Variants in TULP4 observed in about 807,000 individuals in gnomAD.
TULP4 encodes the protein tubby-related protein 4.
TULP4 carries 16 observed loss-of-function variants against 129.0 expected under a neutral mutation model. The observed-to-expected ratio is 0.12, with a 90% CI of 0.08 to 0.19. The LOEUF (loss-of-function observed/expected upper bound fraction) is 0.19. Among genes scored for constraint, TULP4 ranks in the 10% least tolerant of loss-of-function variants. The probability of loss-of-function intolerance (pLI) is 1.00; values close to 1 mark genes in which losing one functional copy is unlikely to be tolerated. For missense variants in TULP4, 1,842 were observed against 2,059.1 expected, an observed-to-expected ratio of 0.89 and a Z score of 2.04; for synonymous variants, 998 against 854.0, an observed-to-expected ratio of 1.17 and a Z score of -2.94.
intron 1 of TULP4, among the ~76,000 whole-genome samples, chr6:158,400,347 TAC>T (rs1777811513): frequency 6.6e-6 from 1 of 152,218 alleles, no homozygotes; most frequent in Non-Finnish European, 1.5e-5. Flanking sequence ...GTATATACAT[TAC>T]AGTCAACCCA....
chr6:158,349,608 G>A (rs1780444575), intron 1 of TULP4, among the ~76,000 whole-genome samples: 1 of 144,568 alleles, frequency 6.9e-6, no homozygotes. Flanking sequence ...TGGCAGCCGG[G>A]CAGAGGCGCC....
At chr6:158,478,103 T>TGGGAGGA (rs1017644326) in intron 6 of TULP4, among the ~76,000 whole-genome samples, 2 of 150,240 alleles carry the variant, frequency 1.3e-5, no homozygotes, top group Non-Finnish European at 3.0e-5. Flanking sequence ...GGGTGGAGAG[T>TGGGAGGA]GGGAGGAGGG....
chr6:158,246,981 T>C lies in TULP4; in HGVS notation n.68+14678T>C, dbSNP rs146196267. 3.8e-3 allele frequency among the ~76,000 whole-genome samples: 574 copies of C among 152,306 alleles called. 4 individuals carry two copies. The highest frequency in any genetic ancestry group is 0.013 in the African/African-American group (543 of 41,562). On this transcript the variant is annotated intron_variant and non_coding_transcript_variant, in intron 1 of 1. Transcript: ENST00000620026. ...TATTTGAACATCTTTCTCACTGTTA[T>C]TATTTTTAATCAGAAACACAATTAG...
chr6:158,291,460 G>A (rs575413319), intron 1 of TULP4, among the ~76,000 whole-genome samples: 2 of 152,246 alleles, frequency 1.3e-5, no homozygotes, highest in South Asian at 4.2e-4. Flanking sequence ...GGCTACTTCT[G>A]AACTCTTCTC....
chr6:158,378,760 C>T (rs1777259039), intron 1 of TULP4, among the ~76,000 whole-genome samples: 2 of 151,270 alleles, frequency 1.3e-5, no homozygotes, highest in South Asian at 2.1e-4. Context: ...GCTGGGATTA[C>T]AGGCATGCGC....
upstream of TULP4, among the ~76,000 whole-genome samples, chr6:158,280,594 T>C (rs368998001): frequency 6.6e-6 from 1 of 152,276 alleles, no homozygotes; most frequent in African/African-American, 2.4e-5. Context: ...TCAGTGTCTG[T>C]GCAGCTGTCT....
intron 2 of TULP4, among the ~76,000 whole-genome samples, chr6:158,425,361 A>G (rs973951834): frequency 2.9e-4 from 44 of 150,938 alleles, no homozygotes; most frequent in Admixed American, 2.3e-3. Flanking sequence ...TAAAAATACA[A>G]AATTAGCCAG....
Position 158,429,905 on chromosome 6 carries a change from T to A in TULP4, c.543+8T>A. On this transcript the variant is annotated splice_region_variant and intron_variant, in intron 3 of 13. Coordinates refer to ENST00000367097, the MANE Select transcript of TULP4 (RefSeq NM_020245.5). ...ACTCCTGACGACCAACAGGTAACACTTCTGAAATGTGGTGGGTGTGTGACG... is the reference window on the plus strand; with the variant it reads ...ACTCCTGACGACCAACAGGTAACACATCTGAAATGTGGTGGGTGTGTGACG... 1 of 1,612,994 alleles carries A rather than the reference T, an allele frequency of 6.2e-7. No individual in the cohort carries two copies. Among genetic ancestry groups the A allele is most frequent in the Non-Finnish European group, 8.5e-7 (1 of 1,179,466 alleles).
chr6:158,481,179 C>T lies in TULP4; in HGVS notation c.1376C>T (p.Thr459Met), dbSNP rs200691398. 8.7e-6 allele frequency: 14 copies of T among 1,614,112 alleles called. No individual in the cohort carries two copies. Among genetic ancestry groups the T allele is most frequent in the South Asian group, 1.1e-5 (1 of 91,094 alleles). ...DDPEVGGPCY[T>M]LYLEYLGGLV... ...CCGGAGGTGGGCGGCCCGTGCTACA[C>T]GCTCTACCTGGAGTACCTGGGCGGG... The change falls in exon 8 of 14, where the codon ACG becomes ATG. Residue 459 changes from threonine to methionine, a missense_variant. Thr to Met is a moderately conservative substitution (Grantham distance 81). Around this residue, in one of 5 missense-constraint regions of TULP4, gnomAD observed 456 missense variants for 534.3 expected, o/e 0.85. Transcript: ENST00000367097.
chr6:158,495,428 C>G (rs1156785119), intron 11 of TULP4, among the ~76,000 whole-genome samples: 1 of 152,136 alleles, frequency 6.6e-6, no homozygotes, highest in Non-Finnish European at 1.5e-5. Context: ...ATAGCAATAG[C>G]CAAAATTTGT....
At chr6:158,391,723 CAG>C (rs1245105790) in intron 1 of TULP4, among the ~76,000 whole-genome samples, 4 of 152,172 alleles carry the variant, frequency 2.6e-5, no homozygotes, top group Non-Finnish European at 5.9e-5. Flanking sequence ...TATTTGAAGA[CAG>C]AAGTTTTATC....
chr6:158,352,677 G>C (rs1419369001), intron 1 of TULP4, among the ~76,000 whole-genome samples: 1 of 152,216 alleles, frequency 6.6e-6, no homozygotes, highest in Admixed American at 6.5e-5. Context: ...TTACAGGCGT[G>C]AGCCACCGTG....
In TULP4 at chr6:158,263,067, A is replaced by T. The variant is rs115576963; in HGVS notation, n.68+30764A>T. Among the ~76,000 whole-genome samples, 522 of 152,334 alleles carry T rather than the reference A, an allele frequency of 3.4e-3. 4 individuals are homozygous for T. Among genetic ancestry groups the T allele is most frequent in the African/African-American group, 0.012 (505 of 41,564 alleles). The stretch of plus-strand genomic sequence containing the variant: ...TGTGTATGATTGATGTGCCAGACTG[A>T]ACATCCTACCCGTTTAAATTACCTG... On this transcript the variant is annotated intron_variant and non_coding_transcript_variant, in intron 1 of 1. Transcript: ENST00000620026.
chr6:158,426,733 T>C (rs1041132888), intron 2 of TULP4, among the ~76,000 whole-genome samples: 10 of 152,210 alleles, frequency 6.6e-5, no homozygotes, highest in African/African-American at 9.7e-5. Flanking sequence ...AATTTAAAAA[T>C]AGTTTTTTTC....
intron 13 of TULP4, among the ~76,000 whole-genome samples, chr6:158,506,338 TCTC>T (rs780260395): frequency 2.4e-4 from 35 of 143,318 alleles, no homozygotes; most frequent in Non-Finnish European, 2.7e-4. Flanking sequence ...TTTACACCAT[TCTC>T]CTGCCTCAGC....
Position 158,510,137 on chromosome 6 carries a change from A to G in TULP4, c.*3443A>G, listed in dbSNP as rs1214559752. 1 of 152,654 alleles carries G rather than the reference A, an allele frequency of 6.6e-6. No homozygotes were observed. The highest frequency in any genetic ancestry group is 2.4e-5 in the African/African-American group (1 of 41,446). The allele number at this position is 152,654 out of a possible 1,614,324, so 9.5% of individuals were successfully genotyped here. A position where few individuals can be genotyped will look rare whatever the true frequency, so the allele number is the denominator to read the frequency against. ...AACCAAAGGCACAGATTTGTGTACAATATACCCATTGAATGTATATCCTGA... is the reference window on the plus strand; with the variant it reads ...AACCAAAGGCACAGATTTGTGTACAGTATACCCATTGAATGTATATCCTGA... On this transcript the variant is annotated 3_prime_UTR_variant, in exon 14 of 14. Transcript: ENST00000367097.
At chr6:158,256,435 G>A (rs1778245315) in intron 1 of TULP4, among the ~76,000 whole-genome samples, 2 of 152,122 alleles carry the variant, frequency 1.3e-5, no homozygotes, top group African/African-American at 2.4e-5. Context: ...TGAACATCCT[G>A]TTGTTCTCTA....
chr6:158,317,677 A>G (rs1276091933), intron 1 of TULP4, among the ~76,000 whole-genome samples: 2 of 152,184 alleles, frequency 1.3e-5, no homozygotes, highest in African/African-American at 4.8e-5. Context: ...ATACCCAGTA[A>G]TGGGATGGCT....
At chr6:158,444,196 G>A in intron 3 of TULP4, among the ~76,000 whole-genome samples, 1 of 130,010 alleles carries the variant, frequency 7.7e-6, no homozygotes, top group East Asian at 2.2e-4. Context: ...CTCCAGCCTG[G>A]GCGACAGAGC....
Sources: allele counts gnomAD v4.1 joint callset (sites outside exome capture counted in the v4.1 genomes callset), GRCh38; gene constraint gnomAD v4.1.1; regional missense constraint gnomAD v4.1.1; transcripts MANE v1.5; gene names NCBI Gene and HGNC (gene_info 2026-07-23, HGNC 2026-07-21).